Variants in RAPGEF2 observed in about 807,000 individuals in gnomAD.
The protein encoded by RAPGEF2 is PDZ domain containing guanine nucleotide exchange factor (GEF) 1.
In RAPGEF2, 54 loss-of-function variants were observed where a neutral mutation model predicts 186.7. That is an observed-to-expected ratio of 0.29 (90% CI 0.23 to 0.36). RAPGEF2 has a LOEUF of 0.36. Among genes scored for constraint, RAPGEF2 ranks in the 10% least tolerant of loss-of-function variants. RAPGEF2 has a pLI of 1.00. For missense variants in RAPGEF2, 1,532 were observed against 2,045.0 expected, an observed-to-expected ratio of 0.75 and a Z score of 4.84; for synonymous variants, 712 against 705.9, an observed-to-expected ratio of 1.01 and a Z score of -0.14.
intron 7 of RAPGEF2, among the ~76,000 whole-genome samples, chr4:159,302,005 A>T (rs924229245): frequency 3.3e-5 from 5 of 152,238 alleles, no homozygotes; most frequent in African/African-American, 4.8e-5. Context: ...GACATGGCAG[A>T]TACTCAATAA....
intron 1 of RAPGEF2, among the ~76,000 whole-genome samples, chr4:159,149,378 C>T (rs34267163): frequency 0.16 from 24,707 of 152,072 alleles, 2,605 homozygotes; most frequent in Non-Finnish European, 0.24. Flanking sequence ...TCTGCCTCAG[C>T]CACCCAAGTA....
intron 5 of RAPGEF2, chr4:159,240,985 A>G: frequency 2.2e-6 from 1 of 459,148 alleles, no homozygotes; most frequent in Non-Finnish European, 3.8e-6. Flanking sequence ...TATTGTCCTA[A>G]GTGGAACTGA....
In RAPGEF2 at chr4:159,208,454, CT is replaced by C. The variant is rs1385423851; in HGVS notation, c.198-2045del. ...CTGTGCTTCCTTTCTACTCCTCCCA[CT>C]GGCTGGAGTGTGGATGTGGTGGATG... On this transcript the variant is annotated intron_variant, in intron 3 of 29. Coordinates refer to ENST00000691494, the MANE Select transcript of RAPGEF2 (RefSeq NM_001394067.2). Among the ~76,000 whole-genome samples the C allele has an allele frequency of 2.0e-5, 3 of 152,296 alleles. No homozygotes were observed. In the East Asian group the frequency reaches 5.8e-4, roughly 29 times the overall value.
At chr4:159,245,739 A>G (rs997718236) in intron 7 of RAPGEF2, among the ~76,000 whole-genome samples, 9 of 152,178 alleles carry the variant, frequency 5.9e-5, no homozygotes, top group Admixed American at 5.9e-4. Context: ...CTCTTCCATC[A>G]TCTTCTATTC....
At chr4:159,332,968 TTTTATTTA>T (rs565986655) in intron 17 of RAPGEF2, 17 of 192,342 alleles carry the variant, frequency 8.8e-5, no homozygotes, top group Admixed American at 3.6e-4. Flanking sequence ...ATTTTTTAAT[TTTTATTTA>T]TTTATTTATT....
At chr4:159,168,465 A>G (rs1022452768) in intron 1 of RAPGEF2, among the ~76,000 whole-genome samples, 1 of 151,646 alleles carries the variant, frequency 6.6e-6, no homozygotes, top group Non-Finnish European at 1.5e-5. Context: ...TCCCCAGTTC[A>G]TTGCAAAGGA....
At chr4:159,264,099 A>T (rs887148678) in intron 7 of RAPGEF2, among the ~76,000 whole-genome samples, 1 of 152,210 alleles carries the variant, frequency 6.6e-6, no homozygotes, top group African/African-American at 2.4e-5. Flanking sequence ...TATAAAATCT[A>T]TAATATGGGT....
chr4:159,114,525 C>T (rs950053233), intron 1 of RAPGEF2, among the ~76,000 whole-genome samples: 2 of 152,210 alleles, frequency 1.3e-5, no homozygotes, highest in Non-Finnish European at 2.9e-5. Context: ...GTGTGAGCCA[C>T]CTTGCTTGGC....
At chr4:159,291,535 A>G (rs180958083) in intron 7 of RAPGEF2, among the ~76,000 whole-genome samples, 5 of 152,266 alleles carry the variant, frequency 3.3e-5, no homozygotes, top group African/African-American at 7.2e-5. Context: ...GACTCAAGCT[A>G]TCCTCCCACC....
Position 159,217,944 on chromosome 4 carries a change from G to A in RAPGEF2, c.281+7361G>A, listed in dbSNP as rs936142051. 2.0e-5 allele frequency among the ~76,000 whole-genome samples: 3 copies of A among 152,276 alleles called. No homozygotes were observed. In the East Asian group the frequency reaches 5.8e-4, roughly 29 times the overall value. ...TTTTTCGTATGTTTATTGGCCACTT[G>A]TATGTGAAGACAAATTTAAGTGTTT... On this transcript the variant is annotated intron_variant, in intron 4 of 29. Coordinates refer to ENST00000691494, the MANE Select transcript of RAPGEF2 (RefSeq NM_001394067.2).
rs1463826655 is a variant in RAPGEF2 at position 159,358,608 on chromosome 4, C to CA, written c.*472dup. On this transcript the variant is annotated 3_prime_UTR_variant, in exon 30 of 30. Transcript: ENST00000691494. ...GGGGCCTTTAACCCACCAAGGAAGA[C>CA]AAAGAAAAACAATGAAATCCTTTGA... 1.3e-5 allele frequency: 2 copies of CA among 155,620 alleles called. No individual in the cohort carries two copies. Among genetic ancestry groups the CA allele is most frequent in the African/African-American group, 2.4e-5 (1 of 41,336 alleles). The allele number at this position is 155,620 out of a possible 1,614,324, so 9.6% of individuals were successfully genotyped here. A position where few individuals can be genotyped will look rare whatever the true frequency, so the allele number is the denominator to read the frequency against.
chr4:159,104,001 AGCCGCCCCCCCGCGGGCCCCGC>A lies in RAPGEF2; in HGVS notation c.-155_-134del, dbSNP rs1374330074. On this transcript the variant is annotated 5_prime_UTR_variant, in exon 1 of 30. Coordinates refer to ENST00000691494, the MANE Select transcript of RAPGEF2 (RefSeq NM_001394067.2). Reference sequence around the variant, plus strand: ...CGCTCTCGGCCGCCGGGCCCAGCCGAGCCGCCCCCCCGCGGGCCCCGCGCCGCCGCCGCCGCGGTTTGGCTGA... The same window carrying A: ...CGCTCTCGGCCGCCGGGCCCAGCCGAGCCGCCGCCGCCGCGGTTTGGCTGA... The A allele has an allele frequency of 5.9e-5, 10 of 168,818 alleles. No individual in the cohort carries two copies. Among genetic ancestry groups the A allele is most frequent in the Middle Eastern group, 2.8e-3 (1 of 356 alleles). The allele number at this position is 168,818 out of a possible 1,614,324, so 10.5% of individuals were successfully genotyped here. A position where few individuals can be genotyped will look rare whatever the true frequency, so the allele number is the denominator to read the frequency against.
chr4:159,325,701 C>T (rs1765831219), intron 11 of RAPGEF2, among the ~76,000 whole-genome samples: 1 of 151,998 alleles, frequency 6.6e-6, no homozygotes, highest in South Asian at 2.1e-4. Context: ...TGATATGCGG[C>T]ATAGAATTGT....
At chr4:159,208,935 G>A (rs1579468180) in intron 3 of RAPGEF2, among the ~76,000 whole-genome samples, 1 of 151,602 alleles carries the variant, frequency 6.6e-6, no homozygotes, top group Non-Finnish European at 1.5e-5. Flanking sequence ...ATGGCACCCA[G>A]GCTGGAGTGC....
At chr4:159,147,904 G>T (rs1437978186) in intron 1 of RAPGEF2, among the ~76,000 whole-genome samples, 1 of 152,132 alleles carries the variant, frequency 6.6e-6, no homozygotes, top group Non-Finnish European at 1.5e-5. Flanking sequence ...AGAGTTTTTG[G>T]CAATGCCTGG....
rs368702386 is a variant in RAPGEF2 at position 159,314,701 on chromosome 4, G to A, written c.786G>A (p.Leu262=). 1.4e-5 allele frequency: 22 copies of A among 1,613,994 alleles called. No homozygotes were observed. Among genetic ancestry groups the A allele is most frequent in the African/African-American group, 9.3e-5 (7 of 75,022 alleles). The change falls in exon 9 of 30, where the codon CTG becomes CTA. Residue 262 remains leucine, a synonymous_variant. Transcript: ENST00000691494. ...EEDIERASDP[L]MSRDIVRDCL... is the part of the protein sequence containing the mutation. ...ACATTGAGAGAGCATCAGATCCTCT[G>A]ATGAGCAGGGACATTGTGAGAGACT... is the stretch of plus-strand genomic sequence containing the variant.
chr4:159,230,308 C>T (rs768329754), intron 4 of RAPGEF2, among the ~76,000 whole-genome samples: 4 of 152,142 alleles, frequency 2.6e-5, no homozygotes, highest in Non-Finnish European at 4.4e-5. Context: ...TGTTAACCTA[C>T]ATCTTTCTTG....
chr4:159,256,181 A>T (rs1756137457), intron 7 of RAPGEF2, among the ~76,000 whole-genome samples: 1 of 152,184 alleles, frequency 6.6e-6, no homozygotes, highest in South Asian at 2.1e-4. Flanking sequence ...TCACCTAGGT[A>T]TTAAGCCCAT....
chr4:159,276,313 A>G lies in RAPGEF2; in HGVS notation c.544-28029A>G, dbSNP rs80334692. ...TACACTTACTTGTTTTCTTAAAAGT[A>G]TACTTTTGTTCATTTTAAATGGCAA... On this transcript the variant is annotated intron_variant, in intron 7 of 29. Transcript: ENST00000691494. Among the ~76,000 whole-genome samples, 1,387 of 152,324 alleles carry G rather than the reference A, an allele frequency of 9.1e-3. 18 individuals are homozygous for G. Among genetic ancestry groups the G allele is most frequent in the African/African-American group, 0.031 (1,289 of 41,584 alleles).
Sources: allele counts gnomAD v4.1 joint callset (sites outside exome capture counted in the v4.1 genomes callset), GRCh38; gene constraint gnomAD v4.1.1; transcripts MANE v1.5; gene names NCBI Gene and HGNC (gene_info 2026-07-23, HGNC 2026-07-21).